CNTN1: variants seen among roughly 807,000 people sequenced by gnomAD.
The protein encoded by CNTN1 is contactin 1.
Under a neutral mutation model 126.4 loss-of-function variants are expected in CNTN1, and 38 were observed. That is an observed-to-expected ratio of 0.30 (90% CI 0.23 to 0.39). CNTN1 has a LOEUF of 0.39. Ranked by LOEUF, CNTN1 falls within the 10% of genes least tolerant of loss-of-function variation. The pLI is 1.00. For missense variants in CNTN1, 1,009 were observed against 1,248.4 expected, an observed-to-expected ratio of 0.81 and a Z score of 2.89; for synonymous variants, 413 against 422.6, an observed-to-expected ratio of 0.98 and a Z score of 0.28.
At chr12:40,822,171 T>TTTTTTTTTTTTTTTTTTA (rs1941465603) in intron 1 of CNTN1, among the ~76,000 whole-genome samples, 1 of 116,136 alleles carries the variant, frequency 8.6e-6, no homozygotes, top group Non-Finnish European at 1.7e-5. Context: ...TTTTTTTTTT[T>TTTTTTTTTTTTTTTTTTA]TGAGGCAGAG....
Position 40,996,881 on chromosome 12 carries a change from G to A in CNTN1, c.2113+3612G>A, listed in dbSNP as rs187892492. ...CTAAATGAGGGATGTTTGTCTTGTC[G>A]TGTACCATTATAACAACTCTCTAAG... On this transcript the variant is annotated intron_variant, in intron 17 of 23. Transcript: ENST00000551295. Among the ~76,000 whole-genome samples the A allele has an allele frequency of 3.9e-5, 6 of 152,194 alleles. No homozygotes were observed. The East Asian group carries it at 5.8e-4, about 15-fold the overall frequency.
chr12:40,852,676 T>A (rs1426135909), intron 1 of CNTN1, among the ~76,000 whole-genome samples: 1 of 152,130 alleles, frequency 6.6e-6, no homozygotes, highest in Non-Finnish European at 1.5e-5. Context: ...AAGAACAATA[T>A]TTGCGTTCCA....
At chr12:41,018,106 T>TA (rs1566153625) in intron 19 of CNTN1, among the ~76,000 whole-genome samples, 4 of 150,704 alleles carry the variant, frequency 2.7e-5, no homozygotes, top group Non-Finnish European at 5.9e-5. Flanking sequence ...AAAAAAATAA[T>TA]AATAATAATA....
In CNTN1 at chr12:41,000,512, G is replaced by A. The variant is rs528899765; in HGVS notation, c.2113+7243G>A. 2.0e-5 allele frequency among the ~76,000 whole-genome samples: 3 copies of A among 152,130 alleles called. No individual in the cohort carries two copies. The East Asian group carries it at 5.8e-4, about 29-fold the overall frequency. ...GTGCTACAAATTATTTTTTAACCCT[G>A]TGTAGTCAGTTTCATTTTCTAACAG... On this transcript the variant is annotated intron_variant, in intron 17 of 23. Transcript: ENST00000551295.
chr12:40,891,579 G>A (rs1435662172), intron 1 of CNTN1, among the ~76,000 whole-genome samples: 1 of 152,026 alleles, frequency 6.6e-6, no homozygotes, highest in African/African-American at 2.4e-5. Context: ...AAGGTACGTA[G>A]CTAAATTTTT....
At chr12:40,958,856 C>T (rs958381851) in intron 14 of CNTN1, among the ~76,000 whole-genome samples, 18 of 151,784 alleles carry the variant, frequency 1.2e-4, no homozygotes, top group Non-Finnish European at 1.3e-4. Context: ...GAGTTTCTCT[C>T]GATATAACCC....
chr12:40,772,988 T>C (rs1939403999), intron 1 of CNTN1, among the ~76,000 whole-genome samples: 1 of 151,848 alleles, frequency 6.6e-6, no homozygotes, highest in Non-Finnish European at 1.5e-5. Context: ...ATATCGTGGA[T>C]TGGATATACG....
At chr12:41,055,610 G>A (rs1377463550) in intron 23 of CNTN1, among the ~76,000 whole-genome samples, 1 of 152,130 alleles carries the variant, frequency 6.6e-6, no homozygotes, top group Non-Finnish European at 1.5e-5. Flanking sequence ...CACAGAAGTA[G>A]TGGGTTCTTA....
At chr12:40,881,575 C>G (rs949305277) in intron 1 of CNTN1, among the ~76,000 whole-genome samples, 2 of 151,566 alleles carry the variant, frequency 1.3e-5, no homozygotes, top group African/African-American at 2.4e-5. Flanking sequence ...TTGACTACTC[C>G]AGTAGGCCCC....
intron 23 of CNTN1, among the ~76,000 whole-genome samples, chr12:41,064,858 T>C (rs1158694591): frequency 6.6e-6 from 1 of 152,178 alleles, no homozygotes; most frequent in African/African-American, 2.4e-5. Context: ...GGTTTAATTT[T>C]TTTTTAATTT....
At chr12:40,724,466 A>G (rs979059422) in intron 1 of CNTN1, among the ~76,000 whole-genome samples, 1 of 152,216 alleles carries the variant, frequency 6.6e-6, no homozygotes, top group Non-Finnish European at 1.5e-5. Flanking sequence ...TCTGTCTGCC[A>G]CTATCCTAGG....
At chr12:40,724,906 T>A (rs1223850614) in intron 1 of CNTN1, among the ~76,000 whole-genome samples, 1 of 152,212 alleles carries the variant, frequency 6.6e-6, no homozygotes, top group African/African-American at 2.4e-5. Context: ...TAGAGATCAT[T>A]GATGGAATTT....
chr12:40,819,003 G>A (rs980186382), intron 1 of CNTN1, among the ~76,000 whole-genome samples: 1 of 152,246 alleles, frequency 6.6e-6, no homozygotes. Flanking sequence ...TCACTCCTGT[G>A]CCTGCAGATA....
chr12:40,878,906 C>T (rs1943774777), intron 1 of CNTN1, among the ~76,000 whole-genome samples: 1 of 152,148 alleles, frequency 6.6e-6, no homozygotes, highest in African/African-American at 2.4e-5. Flanking sequence ...ATGCTTAATG[C>T]ACTTTCTATT....
At chr12:40,941,635 T>A (rs1241160679) in intron 12 of CNTN1, among the ~76,000 whole-genome samples, 14 of 152,124 alleles carry the variant, frequency 9.2e-5, no homozygotes, top group Admixed American at 9.2e-4. Context: ...AGTTAGTTGC[T>A]AATTTAAATT....
chr12:40,976,951 G>A (rs1392239640), intron 15 of CNTN1, among the ~76,000 whole-genome samples: 4 of 152,130 alleles, frequency 2.6e-5, no homozygotes, highest in Admixed American at 2.6e-4. Context: ...ATAAACCAAA[G>A]AGTATCTGAG....
intron 17 of CNTN1, among the ~76,000 whole-genome samples, chr12:41,001,586 A>G (rs958087685): frequency 2.0e-5 from 3 of 152,148 alleles, no homozygotes; most frequent in African/African-American, 7.2e-5. Flanking sequence ...TGCTGTGCAG[A>G]AGCTCTTTAG....
intron 1 of CNTN1, among the ~76,000 whole-genome samples, chr12:40,903,393 T>A: frequency 6.6e-6 from 1 of 151,672 alleles, no homozygotes; most frequent in Middle Eastern, 3.2e-3. Flanking sequence ...AGTTGCTTTT[T>A]TTTTTTTTTT....
At chr12:40,995,746 T>TA (rs956524858) in intron 17 of CNTN1, among the ~76,000 whole-genome samples, 51 of 150,554 alleles carry the variant, frequency 3.4e-4, no homozygotes, top group East Asian at 1.2e-3. Flanking sequence ...TTCTCAATTG[T>TA]AAAAAAAAAA....
Sources: allele counts gnomAD v4.1 joint callset (sites outside exome capture counted in the v4.1 genomes callset), GRCh38; gene constraint gnomAD v4.1.1; transcripts MANE v1.5; gene names NCBI Gene and HGNC (gene_info 2026-07-23, HGNC 2026-07-21).